The following UIMC1 variants were observed in gnomAD, a reference collection of about 807,000 sequenced individuals.
UIMC1 encodes the protein BRCA1-A complex subunit RAP80.
In UIMC1, 42 loss-of-function variants were observed where a neutral mutation model predicts 84.9. The ratio of observed to expected loss-of-function variants is 0.49; its 90% CI spans 0.39 to 0.64. The LOEUF (loss-of-function observed/expected upper bound fraction) is 0.64. Among genes scored for constraint, UIMC1 ranks in the 30% least tolerant of loss-of-function variants. The pLI is 0.00. For missense variants in UIMC1, 825 were observed against 847.6 expected (o/e 0.97, Z 0.33); for synonymous variants, 281 against 293.0 (o/e 0.96, Z 0.42).
intron 12 of UIMC1, 26 bp from the exon 13 acceptor site, chr5:176,907,203 A>C (rs2149385107): frequency 6.2e-7 from 1 of 1,601,750 alleles, no homozygotes. Flanking sequence ...ACAGATGAAA[A>C]GGTTACTTCA....
chr5:176,993,755 C>G lies in UIMC1; in HGVS notation c.-8-11132G>C, dbSNP rs914950083. ...AGGCGCGGTGGCTCACGCCTGTAAT[C>G]CCACCACATTGGGAGGCTGAGGCAG... On this transcript the variant is annotated intron_variant, in intron 1 of 14. Coordinates refer to ENST00000511320, the MANE Select transcript of UIMC1 (RefSeq NM_001199298.2). Among the ~76,000 whole-genome samples the G allele has an allele frequency of 2.0e-5, 3 of 152,146 alleles. No individual in the cohort carries two copies. The East Asian group carries it at 5.8e-4, about 29-fold the overall frequency.
rs373603505 is a variant in UIMC1, at chr5:176,905,232, T to C, written c.*50A>G. On this transcript the variant is annotated 3_prime_UTR_variant, in exon 15 of 15. Transcript: ENST00000511320. ...AGGGACCACTATGGCTTAATGAACA[T>C]GGCCCACCCCTCCTACTAATGGTTT... 1.0e-4 allele frequency: 167 copies of C among 1,594,002 alleles called. No homozygotes were observed. The highest frequency in any genetic ancestry group is 3.8e-4 in the African/African-American group (28 of 74,356).
chr5:176,948,413 A>G (rs560208617), intron 9 of UIMC1, among the ~76,000 whole-genome samples: 247 of 152,302 alleles, frequency 1.6e-3, no homozygotes, highest in African/African-American at 5.7e-3. Flanking sequence ...ACCACGTTTT[A>G]TATTCTTTAT....
intron 2 of UIMC1, among the ~76,000 whole-genome samples, chr5:176,977,356 A>G (rs1770265727): frequency 6.6e-6 from 1 of 152,062 alleles, no homozygotes; most frequent in Admixed American, 6.6e-5. Context: ...TTTGAACAAC[A>G]CTATCATCAA....
At chr5:176,938,952 A>T (rs953938328) in intron 10 of UIMC1, among the ~76,000 whole-genome samples, 1 of 140,644 alleles carries the variant, frequency 7.1e-6, no homozygotes, top group East Asian at 2.0e-4. Flanking sequence ...AGCACCATTT[A>T]AAAAAAAAAA....
chr5:176,934,267 C>G (rs1180939138), intron 10 of UIMC1, among the ~76,000 whole-genome samples: 3 of 152,090 alleles, frequency 2.0e-5, no homozygotes, highest in African/African-American at 7.2e-5. Flanking sequence ...GACATATAAA[C>G]ACTTTAGAGG....
chr5:176,953,491 C>CACAT (rs2149457988), intron 8 of UIMC1, among the ~76,000 whole-genome samples: 1 of 140,466 alleles, frequency 7.1e-6, no homozygotes, highest in South Asian at 2.4e-4. Flanking sequence ...GAAAACTGGA[C>CACAT]ACATACACAC....
At chr5:176,928,283 G>A (rs1287772986) in intron 10 of UIMC1, among the ~76,000 whole-genome samples, 2 of 152,198 alleles carry the variant, frequency 1.3e-5, no homozygotes, top group East Asian at 3.9e-4. Flanking sequence ...GAGACCAAAC[G>A]GCCTGCAAAG....
chr5:176,972,735 CAAAAAATT>C (rs1054835180), intron 3 of UIMC1, among the ~76,000 whole-genome samples: 106 of 151,882 alleles, frequency 7.0e-4, no homozygotes, highest in African/African-American at 2.4e-3. Flanking sequence ...GACTCCATCT[CAAAAAATT>C]AAAAAATTAA....
At chr5:176,914,170 C>T (rs923417454) in intron 10 of UIMC1, among the ~76,000 whole-genome samples, 1 of 151,040 alleles carries the variant, frequency 6.6e-6, no homozygotes, top group African/African-American at 2.4e-5. Context: ...TTTTTTTTCT[C>T]CCCTTAAATG....
At chr5:176,987,441 T>C (rs1581659520) in intron 1 of UIMC1, among the ~76,000 whole-genome samples, 1 of 149,540 alleles carries the variant, frequency 6.7e-6, no homozygotes. Flanking sequence ...AGGTGAGGAG[T>C]TTGAGACCAG....
chr5:176,938,833 G>C (rs1247185959), intron 10 of UIMC1, among the ~76,000 whole-genome samples: 1 of 151,992 alleles, frequency 6.6e-6, no homozygotes, highest in Non-Finnish European at 1.5e-5. Flanking sequence ...TTATTCACTT[G>C]TGTCATCTTT....
intron 6 of UIMC1, among the ~76,000 whole-genome samples, chr5:176,966,548 T>C (rs531060982): frequency 1.3e-5 from 2 of 152,224 alleles, no homozygotes; most frequent in Admixed American, 1.3e-4. Flanking sequence ...AAAAACAGTA[T>C]AGTCATAAAA....
At chr5:176,932,432 T>C (rs1325513161) in intron 10 of UIMC1, among the ~76,000 whole-genome samples, 2 of 152,178 alleles carry the variant, frequency 1.3e-5, no homozygotes, top group South Asian at 2.1e-4. Flanking sequence ...ATATAAATAA[T>C]TTCAAACGGC....
rs137955830 is a variant in UIMC1, at chr5:176,953,495, T to TACACACACACACACACACACACACACAC, written c.1340-1946_1340-1919dup. On this transcript the variant is annotated intron_variant, in intron 8 of 14. Transcript: ENST00000511320. ...CAAATTTTTTTGAAAACTGGACACA[T>TACACACACACACACACACACACACACAC]ACACACACACACACACACACACACA... 4.1e-3 allele frequency among the ~76,000 whole-genome samples: 565 copies of TACACACACACACACACACACACACACAC among 136,948 alleles called. 15 individuals are homozygous for TACACACACACACACACACACACACACAC. Among genetic ancestry groups the TACACACACACACACACACACACACACAC allele is most frequent in the African/African-American group, 0.012 (446 of 35,896 alleles). 89.8% of individuals were successfully genotyped at this position (136,948 alleles called of 152,430 possible). A position where few individuals can be genotyped will look rare whatever the true frequency, so the allele number is the denominator to read the frequency against.
At chr5:176,975,506 A>G (rs756766184) in intron 2 of UIMC1, 26 bp from the exon 3 acceptor site, 1 of 1,611,570 alleles carries the variant, frequency 6.2e-7, no homozygotes, top group African/African-American at 1.3e-5. Flanking sequence ...AAATATCATC[A>G]GTGTGGCTGC....
chr5:176,984,009 G>A (rs1771509816), intron 1 of UIMC1, among the ~76,000 whole-genome samples: 2 of 131,154 alleles, frequency 1.5e-5, no homozygotes, highest in Non-Finnish European at 3.2e-5. Context: ...CGCCCCGTCT[G>A]GGAAGTGAGG....
At chr5:176,918,580 G>C (rs1377012156) in intron 10 of UIMC1, among the ~76,000 whole-genome samples, 1 of 152,090 alleles carries the variant, frequency 6.6e-6, no homozygotes, top group Non-Finnish European at 1.5e-5. Context: ...CATTAATGAT[G>C]AGCTCAATTT....
chr5:177,014,199 T>G (rs1031421794), intron 1 of UIMC1, among the ~76,000 whole-genome samples: 7 of 151,622 alleles, frequency 4.6e-5, no homozygotes, highest in African/African-American at 1.7e-4. Context: ...ATTACAGGCG[T>G]GCAACACCAT....
Sources: gnomAD v4.1 joint callset for allele counts (sites outside exome capture counted in the v4.1 genomes callset) on GRCh38, gnomAD v4.1.1 for gene constraint, MANE v1.5 for transcripts, NCBI Gene and HGNC (gene_info 2026-07-23, HGNC 2026-07-21) for gene names.